The following RBP2 variants were observed in gnomAD, a reference collection of about 807,000 sequenced individuals.
RBP2 encodes the protein retinol-binding protein 2.
In RBP2, 17 loss-of-function variants were observed where a neutral mutation model predicts 17.0. That is an observed-to-expected ratio of 1.00 (90% CI 0.68 to 1.50). The LOEUF is 1.50. Ranked by LOEUF, RBP2 falls within the 40% of genes most tolerant of loss-of-function variation. The pLI, the probability that RBP2 is intolerant of heterozygous loss-of-function variation, is 0.00. For missense variants in RBP2, 158 were observed against 168.2 expected (o/e 0.94, Z 0.33); for synonymous variants, 48 against 57.1 (o/e 0.84, Z 0.72).
At chr3:139,466,591 C>T (rs904225686) in intron 1 of RBP2, 5 of 152,208 alleles carry the variant, frequency 3.3e-5, no homozygotes, top group African/African-American at 4.8e-5. Flanking sequence ...GCTTCAGTCT[C>T]GTCGCTGGAC....
At chr3:139,462,767 A>G (rs1256824788) in intron 1 of RBP2, among the ~76,000 whole-genome samples, 6 of 152,208 alleles carry the variant, frequency 3.9e-5, no homozygotes, top group Admixed American at 3.9e-4. Flanking sequence ...GGGGAGGGAT[A>G]GTTACAAGCT....
chr3:139,457,139 G>C (rs1932999949), intron 2 of RBP2, among the ~76,000 whole-genome samples: 1 of 152,208 alleles, frequency 6.6e-6, no homozygotes, highest in Non-Finnish European at 1.5e-5. Flanking sequence ...AGAAGATGCT[G>C]TATCTGCTGT....
Position 139,462,213 on chromosome 3 carries a change from TG to T in RBP2, c.150del (p.Phe50LeufsTer20). ...CGGAATGTGCTAGTGGTTTTTGTCT[TG>T]AAGTTATCACCATCTTGATCAATAA... ...TKVIDQDGDN[F>X]KTKTTSTFRN... is the part of the protein sequence containing the mutation. On this transcript the variant is annotated frameshift_variant, in exon 2 of 4. Transcript: ENST00000232217. LOFTEE classifies it high-confidence loss of function. 6.2e-7 allele frequency: 1 copy of T among 1,614,152 alleles called. No individual in the cohort carries two copies. Among genetic ancestry groups the T allele is most frequent in the Admixed American group, 1.7e-5 (1 of 60,020 alleles).
intron 3 of RBP2, 136 bp from the exon 4 acceptor site, chr3:139,453,302 C>T: frequency 1.2e-6 from 1 of 855,298 alleles, no homozygotes; most frequent in Non-Finnish European, 1.9e-6. Context: ...GTGCATCTCA[C>T]AGACCCAATC....
At chr3:139,461,586 T>C (rs1350117253) in intron 2 of RBP2, among the ~76,000 whole-genome samples, 1 of 152,080 alleles carries the variant, frequency 6.6e-6, no homozygotes, top group Non-Finnish European at 1.5e-5. Flanking sequence ...AAAAATGAAA[T>C]CAGCTGGGAT....
chr3:139,465,669 C>A (rs1250878323), intron 1 of RBP2, among the ~76,000 whole-genome samples: 2 of 152,192 alleles, frequency 1.3e-5, no homozygotes, highest in African/African-American at 4.8e-5. Context: ...CCTGGAGACA[C>A]AGGGACTGTG....
chr3:139,464,212 C>A (rs1027404882), intron 1 of RBP2, among the ~76,000 whole-genome samples: 1 of 152,166 alleles, frequency 6.6e-6, no homozygotes, highest in Non-Finnish European at 1.5e-5. Flanking sequence ...GTAATCCCAG[C>A]ACTTTGGGAG....
chr3:139,468,726 G>C (rs1933449382), intron 1 of RBP2, among the ~76,000 whole-genome samples: 1 of 152,068 alleles, frequency 6.6e-6, no homozygotes, highest in African/African-American at 2.4e-5. Flanking sequence ...ACTTTGCAGA[G>C]AAAATTATTT....
chr3:139,455,537 A>C (rs1943380569), intron 2 of RBP2, among the ~76,000 whole-genome samples: 1 of 152,196 alleles, frequency 6.6e-6, no homozygotes, highest in African/African-American at 2.4e-5. Flanking sequence ...ATTGGTATAA[A>C]TCTCTTTGGA....
chr3:139,475,218 G>A (rs997140734), intron 1 of RBP2, among the ~76,000 whole-genome samples: 2 of 151,354 alleles, frequency 1.3e-5, no homozygotes, highest in African/African-American at 4.9e-5. Context: ...TACTCTGGAG[G>A]CTGAGGCAGG....
intron 1 of RBP2, among the ~76,000 whole-genome samples, chr3:139,463,933 T>A (rs1933276532): frequency 6.6e-6 from 1 of 152,246 alleles, no homozygotes; most frequent in Non-Finnish European, 1.5e-5. Flanking sequence ...TCGAGTGCTA[T>A]TTCTCTGAGA....
chr3:139,458,450 T>C (rs562914242), intron 2 of RBP2, among the ~76,000 whole-genome samples: 1 of 152,336 alleles, frequency 6.6e-6, no homozygotes, highest in African/African-American at 2.4e-5. Context: ...CCAATTTCAA[T>C]TACTTATTTT....
intron 1 of RBP2, among the ~76,000 whole-genome samples, chr3:139,467,599 A>G (rs1334320663): frequency 6.6e-6 from 1 of 152,226 alleles, no homozygotes; most frequent in East Asian, 1.9e-4. Flanking sequence ...TCAGAGGACT[A>G]TTTACAGTGT....
At chr3:139,474,336 C>A (rs967625916) in intron 1 of RBP2, among the ~76,000 whole-genome samples, 4 of 152,100 alleles carry the variant, frequency 2.6e-5, no homozygotes, top group African/African-American at 4.8e-5. Flanking sequence ...TCCTCCCAAC[C>A]CCCAGGAGGA....
At chr3:139,466,993 CA>C (rs1933389528) in intron 1 of RBP2, among the ~76,000 whole-genome samples, 2 of 152,298 alleles carry the variant, frequency 1.3e-5, no homozygotes, top group East Asian at 3.9e-4. Flanking sequence ...TGCCTGCCAA[CA>C]GTACTTAGCA....
intron 2 of RBP2, among the ~76,000 whole-genome samples, chr3:139,457,448 G>A (rs1933011857): frequency 6.6e-6 from 1 of 152,114 alleles, no homozygotes; most frequent in Non-Finnish European, 1.5e-5. Flanking sequence ...GAAGGAAGAA[G>A]GAAGGAGAAA....
intron 2 of RBP2, among the ~76,000 whole-genome samples, chr3:139,460,006 G>A (rs1933134218): frequency 6.6e-6 from 1 of 152,118 alleles, no homozygotes; most frequent in African/African-American, 2.4e-5. Flanking sequence ...GTTAACACGT[G>A]GAATTCATTA....
intron 1 of RBP2, among the ~76,000 whole-genome samples, chr3:139,472,122 T>G (rs1389090659): frequency 6.6e-6 from 1 of 152,164 alleles, no homozygotes. Flanking sequence ...AGAACTCCTG[T>G]TCTTCCTTCA....
chr3:139,466,034 A>C (rs1302419087), intron 1 of RBP2, among the ~76,000 whole-genome samples: 1 of 152,154 alleles, frequency 6.6e-6, no homozygotes, highest in Non-Finnish European at 1.5e-5. Flanking sequence ...GTACAGCTCC[A>C]TCGGATGTTT....
Sources: gnomAD v4.1 joint callset for allele counts (sites outside exome capture counted in the v4.1 genomes callset) on GRCh38, gnomAD v4.1.1 for gene constraint, MANE v1.5 for transcripts, NCBI Gene and HGNC (gene_info 2026-07-23, HGNC 2026-07-21) for gene names.